The following DENND4A variants were observed in gnomAD, a reference collection of about 807,000 sequenced individuals.
The protein encoded by DENND4A is DENN domain containing 4A, also known as C-myc promoter-binding protein.
DENND4A carries 70 observed loss-of-function variants against 199.3 expected under a neutral mutation model. The observed-to-expected ratio is 0.35, with a 90% CI of 0.29 to 0.43. The LOEUF (loss-of-function observed/expected upper bound fraction) is 0.43, where lower values mean the gene tolerates loss of function less well. Ranked by LOEUF, DENND4A falls within the 20% of genes least tolerant of loss-of-function variation. The probability of loss-of-function intolerance (pLI) is 1.00; values close to 1 mark genes in which losing one functional copy is unlikely to be tolerated. For missense variants in DENND4A, 1,723 were observed against 2,255.8 expected, an observed-to-expected ratio of 0.76 and a Z score of 4.78; for synonymous variants, 686 against 766.9, an observed-to-expected ratio of 0.89 and a Z score of 1.74.
chr15:65,741,167 C>T (rs2076251179), intron 5 of DENND4A, among the ~76,000 whole-genome samples: 2 of 152,052 alleles, frequency 1.3e-5, no homozygotes, highest in Admixed American at 1.3e-4. Flanking sequence ...ATCCTCCTGC[C>T]TCAGCCTCCG....
At chr15:65,779,293 T>C (rs1265638609) in intron 1 of DENND4A, among the ~76,000 whole-genome samples, 2 of 151,538 alleles carry the variant, frequency 1.3e-5, no homozygotes, top group Non-Finnish European at 2.9e-5. Flanking sequence ...CCGTCTCTAC[T>C]AAAAATAGAA....
chr15:65,724,386 T>A (rs950974918), intron 11 of DENND4A, among the ~76,000 whole-genome samples: 3 of 151,752 alleles, frequency 2.0e-5, no homozygotes, highest in Non-Finnish European at 2.9e-5. Flanking sequence ...GAATCGTTTT[T>A]TTTTTTTTTT....
intron 11 of DENND4A, 132 bp from the exon 12 acceptor site, chr15:65,723,080 T>C: frequency 1.4e-6 from 1 of 694,004 alleles, no homozygotes; most frequent in Admixed American, 3.9e-5. Flanking sequence ...AATATTTGCA[T>C]TAACAAGAGA....
intron 1 of DENND4A, among the ~76,000 whole-genome samples, chr15:65,788,237 C>T (rs562240461): frequency 6.6e-6 from 1 of 152,072 alleles, no homozygotes; most frequent in South Asian, 2.1e-4. Context: ...CCACCACGCC[C>T]GGCTAATTTT....
intron 1 of DENND4A, among the ~76,000 whole-genome samples, chr15:65,774,443 T>C (rs935540511): frequency 2.6e-5 from 4 of 152,096 alleles, no homozygotes; most frequent in South Asian, 2.1e-4. Flanking sequence ...TGAGCCCAGA[T>C]TGAGCCACTG....
At position 65,660,174 on chromosome 15, in the gene DENND4A, G is replaced by A. The variant is rs1596369345; in HGVS notation, c.*1677C>T. The A allele has an allele frequency of 2.8e-6, 2 of 724,154 alleles. No homozygotes were observed. The highest frequency in any genetic ancestry group is 5.4e-5 in the East Asian group (2 of 37,168). 44.9% of individuals were successfully genotyped at this position (724,154 alleles called of 1,614,324 possible). On this transcript the variant is annotated 3_prime_UTR_variant, in exon 33 of 33. Coordinates refer to ENST00000443035, the MANE Select transcript of DENND4A (RefSeq NM_001320835.1). ...ATAATATTGGAGTGGTATTTACAAA[G>A]GAGAGGCAGATATATGTGCCTAGCA...
chr15:65,771,369 T>G, intron 1 of DENND4A: 1 of 1,588,306 alleles, frequency 6.3e-7, no homozygotes, highest in Non-Finnish European at 8.6e-7. Flanking sequence ...TTTTCTGCCT[T>G]TTGTAATAAC....
At chr15:65,736,792 G>T (rs2076131927) in intron 7 of DENND4A, among the ~76,000 whole-genome samples, 1 of 152,172 alleles carries the variant, frequency 6.6e-6, no homozygotes, top group South Asian at 2.1e-4. Flanking sequence ...GCAACAGATT[G>T]AATGCAGACC....
intron 1 of DENND4A, among the ~76,000 whole-genome samples, chr15:65,764,809 CAA>C (rs2076938223): frequency 6.6e-6 from 1 of 151,662 alleles, no homozygotes; most frequent in African/African-American, 2.4e-5. Flanking sequence ...CCCATCTGTA[CAA>C]AAAATTTAAA....
chr15:65,690,275 A>T, intron 23 of DENND4A, 140 bp downstream of exon 23: 1 of 808,090 alleles, frequency 1.2e-6, no homozygotes, highest in Non-Finnish European at 1.7e-6. Context: ...TCCAATTCTG[A>T]TACTTACAAA....
intron 20 of DENND4A, among the ~76,000 whole-genome samples, chr15:65,700,226 A>G (rs941715491): frequency 3.3e-5 from 5 of 152,044 alleles, no homozygotes; most frequent in African/African-American, 1.2e-4. Context: ...TATCATTTTC[A>G]TAATTTCAAA....
chr15:65,770,984 T>C (rs1487597061), intron 1 of DENND4A, among the ~76,000 whole-genome samples: 1 of 152,196 alleles, frequency 6.6e-6, no homozygotes, highest in Non-Finnish European at 1.5e-5. Flanking sequence ...GTAACTAAAA[T>C]ATTCCATTTT....
intron 12 of DENND4A, among the ~76,000 whole-genome samples, chr15:65,718,804 G>C (rs1347195824): frequency 9.5e-6 from 1 of 105,004 alleles, no homozygotes; most frequent in Non-Finnish European, 1.8e-5. Flanking sequence ...TTTTGAGACA[G>C]AGTCTTGGTC....
intron 1 of DENND4A, among the ~76,000 whole-genome samples, chr15:65,788,629 G>A (rs1238312398): frequency 3.3e-5 from 5 of 151,828 alleles, no homozygotes; most frequent in African/African-American, 4.8e-5. Flanking sequence ...AGGCCAACGC[G>A]GGCAGACTAC....
intron 14 of DENND4A, among the ~76,000 whole-genome samples, chr15:65,706,471 CACACACACACACACACACACACACAT>C (rs2075056243): frequency 9.0e-6 from 1 of 111,414 alleles, no homozygotes; most frequent in South Asian, 3.1e-4. Context: ...CACACACACA[CACACACACACACACACACACACACAT>C]ATATATATAT....
At chr15:65,724,794 A>G (rs1281832322) in intron 11 of DENND4A, among the ~76,000 whole-genome samples, 1 of 152,184 alleles carries the variant, frequency 6.6e-6, no homozygotes, top group Non-Finnish European at 1.5e-5. Flanking sequence ...ACATAGAAAC[A>G]CTTTTTAAAA....
chr15:65,721,487 A>T (rs1187212666), intron 12 of DENND4A, among the ~76,000 whole-genome samples: 1 of 151,992 alleles, frequency 6.6e-6, no homozygotes, highest in Non-Finnish European at 1.5e-5. Context: ...TACCAAGAAG[A>T]TCAGATAAAG....
chr15:65,715,911 A>G (rs1313670069), intron 13 of DENND4A, among the ~76,000 whole-genome samples: 1 of 152,004 alleles, frequency 6.6e-6, no homozygotes, highest in Non-Finnish European at 1.5e-5. Context: ...TTTCCCCTAA[A>G]AGCTTTGCAT....
rs1381153878 is a variant in DENND4A, at chr15:65,782,737, C to T, written c.-102+9273G>A. Reference sequence around the variant, plus strand: ...GGGGAGTTAAATTAGCTAAAACATACAAAGTTACCACAAGAATACAGGTAC... The same window carrying T: ...GGGGAGTTAAATTAGCTAAAACATATAAAGTTACCACAAGAATACAGGTAC... On this transcript the variant is annotated intron_variant, in intron 1 of 32. Transcript: ENST00000443035. 2.0e-5 allele frequency among the ~76,000 whole-genome samples: 3 copies of T among 152,088 alleles called. No homozygotes were observed. The East Asian group carries it at 5.8e-4, about 29-fold the overall frequency.
Sources: gnomAD v4.1 joint callset for allele counts (sites outside exome capture counted in the v4.1 genomes callset) on GRCh38, gnomAD v4.1.1 for gene constraint, MANE v1.5 for transcripts, NCBI Gene and HGNC (gene_info 2026-07-23, HGNC 2026-07-21) for gene names.